The following GNG4 variants were observed in gnomAD, a reference collection of about 807,000 sequenced individuals.
The protein encoded by GNG4 is guanine nucleotide-binding protein G(I)/G(S)/G(O) subunit gamma-4.
In GNG4, 4 loss-of-function variants were observed where a neutral mutation model predicts 5.8. The ratio of observed to expected loss-of-function variants is 0.69; its 90% CI spans 0.34 to 1.57. The LOEUF (loss-of-function observed/expected upper bound fraction) is 1.57. Ranked by LOEUF, GNG4 falls within the 40% of genes most tolerant of loss-of-function variation. The probability of loss-of-function intolerance (pLI) is 0.06; values close to 1 mark genes in which losing one functional copy is unlikely to be tolerated. For synonymous variants in GNG4, 29 were observed against 32.9 expected (o/e 0.88, Z 0.41); for missense variants, 96 against 95.1 (o/e 1.01, Z -0.04).
intron 1 of GNG4, among the ~76,000 whole-genome samples, chr1:235,636,215 C>T (rs1003475551): frequency 1.3e-5 from 2 of 152,224 alleles, no homozygotes; most frequent in African/African-American, 4.8e-5. Context: ...GTTATCCGCA[C>T]TGCCTCAAGG....
At chr1:235,622,645 G>A (rs1177529106) in intron 1 of GNG4, among the ~76,000 whole-genome samples, 3 of 151,784 alleles carry the variant, frequency 2.0e-5, no homozygotes, top group Non-Finnish European at 4.4e-5. Flanking sequence ...GATCACCTGA[G>A]GTCAGCAGTT....
At chr1:235,638,612 C>A (rs950598183) in intron 1 of GNG4, among the ~76,000 whole-genome samples, 1 of 152,070 alleles carries the variant, frequency 6.6e-6, no homozygotes, top group Non-Finnish European at 1.5e-5. Context: ...AGGTTTTAAG[C>A]CTTGCCTGCA....
At chr1:235,597,092 C>T (rs923343934) in intron 1 of GNG4, among the ~76,000 whole-genome samples, 2 of 152,150 alleles carry the variant, frequency 1.3e-5, no homozygotes, top group African/African-American at 4.8e-5. Flanking sequence ...CTTCCCTTTG[C>T]AGCCATCCTC....
chr1:235,552,399 G>C (rs905864055), intron 3 of GNG4, among the ~76,000 whole-genome samples, 162 bp from the exon 4 acceptor site: 2 of 152,178 alleles, frequency 1.3e-5, no homozygotes, highest in Non-Finnish European at 2.9e-5. Context: ...GGTTTGTGCA[G>C]ATCTAGGAGA....
chr1:235,573,892 T>C (rs181355030), intron 3 of GNG4, among the ~76,000 whole-genome samples: 1 of 152,328 alleles, frequency 6.6e-6, no homozygotes, highest in African/African-American at 2.4e-5. Flanking sequence ...AATGACATTT[T>C]AGGAGAATAT....
intron 3 of GNG4, among the ~76,000 whole-genome samples, chr1:235,552,843 C>A (rs1306978903): frequency 6.6e-6 from 1 of 152,134 alleles, no homozygotes; most frequent in Admixed American, 6.5e-5. Flanking sequence ...CTCACTGCAA[C>A]CTCCATCTCC....
At chr1:235,594,798 T>C (rs1688083290) in intron 2 of GNG4, among the ~76,000 whole-genome samples, 1 of 152,036 alleles carries the variant, frequency 6.6e-6, no homozygotes, top group South Asian at 2.1e-4. Context: ...GGGAGCCAGC[T>C]CCCGCCTTGG....
chr1:235,560,185 T>C (rs1427686429), intron 3 of GNG4, among the ~76,000 whole-genome samples: 1 of 152,242 alleles, frequency 6.6e-6, no homozygotes, highest in Non-Finnish European at 1.5e-5. Flanking sequence ...GGTTTGTGGC[T>C]AAATGGATGC....
Position 235,576,060 on chromosome 1 carries a change from CTTTT to C in GNG4, c.99+7676_99+7679del, listed in dbSNP as rs58409885. On this transcript the variant is annotated intron_variant, in intron 3 of 3. Transcript: ENST00000391854. Reference sequence around the variant, plus strand: ...TTTAATGATCAATGTCATATATGTACTTTTTTTTTTTTTTTTTTTGAGACAGAGT... The same window carrying C: ...TTTAATGATCAATGTCATATATGTACTTTTTTTTTTTTTTTGAGACAGAGT... Among the ~76,000 whole-genome samples the C allele has an allele frequency of 5.9e-4, 67 of 112,914 alleles. No individual in the cohort carries two copies. The South Asian group carries it at 9.4e-3, about 16-fold the overall frequency. 74.1% of individuals were successfully genotyped at this position (112,914 alleles called of 152,430 possible). A position where few individuals can be genotyped will look rare whatever the true frequency, so the allele number is the denominator to read the frequency against.
chr1:235,577,786 C>T (rs1489275595), intron 3 of GNG4, among the ~76,000 whole-genome samples: 1 of 152,108 alleles, frequency 6.6e-6, no homozygotes. Context: ...ATGGTGTGTG[C>T]GAGTTCAGTG....
rs1031095987 is a variant in GNG4 at position 235,550,336 on chromosome 1, T to C, written c.*1773A>G. The C allele has an allele frequency of 6.6e-6, 1 of 152,222 alleles. No homozygotes were observed. The highest frequency in any genetic ancestry group is 1.5e-5 in the Non-Finnish European group (1 of 68,046). The allele number at this position is 152,222 out of a possible 1,614,324, so 9.4% of individuals were successfully genotyped here. A position where few individuals can be genotyped will look rare whatever the true frequency, so the allele number is the denominator to read the frequency against. On this transcript the variant is annotated 3_prime_UTR_variant, in exon 4 of 4. Transcript: ENST00000391854. ...TTTGCTTCACGGTGTGCAGTTATGATAGTTTGTGGGTCTCCCTACCTGCAA... is the reference window on the plus strand; with the variant it reads ...TTTGCTTCACGGTGTGCAGTTATGACAGTTTGTGGGTCTCCCTACCTGCAA...
intron 3 of GNG4, among the ~76,000 whole-genome samples, chr1:235,555,216 A>T (rs1225710833): frequency 6.6e-6 from 1 of 152,168 alleles, no homozygotes; most frequent in African/African-American, 2.4e-5. Flanking sequence ...GTCCAGTCCC[A>T]GACAGTAGAG....
intron 1 of GNG4, among the ~76,000 whole-genome samples, chr1:235,626,356 A>T (rs73122503): frequency 0.05 from 7,676 of 152,104 alleles, 626 homozygotes; most frequent in African/African-American, 0.17. Context: ...GTCTTCTCCC[A>T]ATCTGTGACT....
chr1:235,608,961 G>T (rs1688420569), intron 1 of GNG4, among the ~76,000 whole-genome samples: 1 of 152,100 alleles, frequency 6.6e-6, no homozygotes, highest in Non-Finnish European at 1.5e-5. Context: ...TGGGATTACA[G>T]GTATGAGCCA....
At chr1:235,600,986 T>C (rs2102961462) in intron 1 of GNG4, among the ~76,000 whole-genome samples, 1 of 152,326 alleles carries the variant, frequency 6.6e-6, no homozygotes, top group South Asian at 2.1e-4. Context: ...CTGGTGTGCA[T>C]GAAAGAATAA....
chr1:235,571,463 G>T (rs994061), intron 3 of GNG4, among the ~76,000 whole-genome samples: 102,246 of 152,154 alleles, frequency 0.67, 34,691 homozygotes, highest in East Asian at 0.87. Context: ...AGAACAACGC[G>T]TATTAAGCAC....
chr1:235,632,817 C>T (rs893585353), intron 1 of GNG4, among the ~76,000 whole-genome samples: 1 of 151,896 alleles, frequency 6.6e-6, no homozygotes, highest in Non-Finnish European at 1.5e-5. Context: ...TCTGAAAAAA[C>T]AAAAGCAAAA....
intron 3 of GNG4, among the ~76,000 whole-genome samples, chr1:235,564,611 A>C (rs1295235752): frequency 6.6e-6 from 1 of 152,236 alleles, no homozygotes; most frequent in East Asian, 1.9e-4. Context: ...TACTACTGAC[A>C]AATATTTATT....
At chr1:235,639,476 T>G (rs1657248440) in intron 1 of GNG4, among the ~76,000 whole-genome samples, 1 of 152,236 alleles carries the variant, frequency 6.6e-6, no homozygotes. Context: ...CCAGATGCCT[T>G]CCCTGTCCTT....
Sources: gnomAD v4.1 joint callset for allele counts (sites outside exome capture counted in the v4.1 genomes callset) on GRCh38, gnomAD v4.1.1 for gene constraint, MANE v1.5 for transcripts, NCBI Gene and HGNC (gene_info 2026-07-23, HGNC 2026-07-21) for gene names.